NEK11: variants seen among roughly 807,000 people sequenced by gnomAD.
The protein encoded by NEK11 is NIMA related kinase 11.
NEK11 carries 72 observed loss-of-function variants against 80.7 expected under a neutral mutation model. The ratio of observed to expected loss-of-function variants is 0.89; its 90% CI spans 0.74 to 1.08. The LOEUF is 1.08. Ranked by LOEUF, NEK11 falls within the 50% of genes least tolerant of loss-of-function variation. The pLI is 0.00. For synonymous variants in NEK11, 251 were observed against 260.7 expected (o/e 0.96, Z 0.36); for missense variants, 764 against 763.6 (o/e 1.00, Z -0.01).
chr3:131,068,339 A>G (rs1048741049), intron 3 of NEK11, among the ~76,000 whole-genome samples: 1 of 152,248 alleles, frequency 6.6e-6, no homozygotes, highest in Non-Finnish European at 1.5e-5. Flanking sequence ...CAGAAGCAGC[A>G]TTTGAACAGA....
chr3:131,210,426 G>T (rs1048760261), intron 14 of NEK11, among the ~76,000 whole-genome samples: 1 of 152,186 alleles, frequency 6.6e-6, no homozygotes, highest in Non-Finnish European at 1.5e-5. Flanking sequence ...GTGCAACGTG[G>T]TGCTGAGAAG....
intron 13 of NEK11, among the ~76,000 whole-genome samples, chr3:131,169,534 G>C (rs2150043360): frequency 6.6e-6 from 1 of 152,262 alleles, no homozygotes; most frequent in South Asian, 2.1e-4. Context: ...AATCATGTTA[G>C]GCACTGTTTC....
chr3:131,044,446 TGG>T (rs59841218), intron 3 of NEK11, among the ~76,000 whole-genome samples: 103 of 86,836 alleles, frequency 1.2e-3, no homozygotes, highest in Admixed American at 5.1e-3. Context: ...AAAAAAAAGG[TGG>T]GGGGGGGGGT....
intron 3 of NEK11, among the ~76,000 whole-genome samples, chr3:131,050,089 C>G (rs2068111892): frequency 6.6e-6 from 1 of 152,204 alleles, no homozygotes; most frequent in East Asian, 1.9e-4. Flanking sequence ...GCAGCTGCCT[C>G]AAGCTCCTGC....
intron 14 of NEK11, among the ~76,000 whole-genome samples, chr3:131,228,079 A>T (rs538159750): frequency 2.8e-4 from 42 of 151,456 alleles, no homozygotes; most frequent in African/African-American, 5.6e-4. Flanking sequence ...AGTAACATTT[A>T]AAAAAAAAGA....
chr3:131,309,987 TAAAAAAAAAAAAAAAAAAAAA>T (rs558210123), intron 17 of NEK11, among the ~76,000 whole-genome samples: 4 of 23,308 alleles, frequency 1.7e-4, no homozygotes, highest in East Asian at 1.1e-3. Context: ...AGACCATGTT[TAAAAAAAAAAAAAAAAAAAAA>T]AAAAAAAAAA....
intron 14 of NEK11, among the ~76,000 whole-genome samples, chr3:131,220,641 A>T (rs78265172): frequency 6.6e-6 from 1 of 152,212 alleles, no homozygotes; most frequent in Admixed American, 6.5e-5. Flanking sequence ...GAAAGGACAA[A>T]TAGAGATGGA....
chr3:131,255,579 T>C (rs2095801477), intron 16 of NEK11, among the ~76,000 whole-genome samples: 1 of 152,200 alleles, frequency 6.6e-6, no homozygotes, highest in African/African-American at 2.4e-5. Flanking sequence ...ACCAAACTTC[T>C]TGATATTTCC....
chr3:131,214,965 A>C (rs1201034220), intron 14 of NEK11, among the ~76,000 whole-genome samples: 3 of 152,148 alleles, frequency 2.0e-5, no homozygotes, highest in Admixed American at 6.6e-5. Flanking sequence ...CCTGGTTTTG[A>C]AAGTTTGTTT....
intron 3 of NEK11, 80 bp from the exon 4 acceptor site, chr3:131,080,343 A>G (rs996988449): frequency 2.9e-6 from 3 of 1,039,456 alleles, no homozygotes; most frequent in Non-Finnish European, 2.8e-6. Flanking sequence ...GGCATTAATT[A>G]ATGGCTCTGT....
chr3:131,122,803 C>T (rs2149483388), intron 5 of NEK11, among the ~76,000 whole-genome samples: 1 of 152,206 alleles, frequency 6.6e-6, no homozygotes, highest in Non-Finnish European at 1.5e-5. Flanking sequence ...TGTTCTTCAT[C>T]CTAGCATGGG....
At chr3:131,284,983 T>C (rs2096453214) in intron 17 of NEK11, among the ~76,000 whole-genome samples, 1 of 152,218 alleles carries the variant, frequency 6.6e-6, no homozygotes, top group South Asian at 2.1e-4. Flanking sequence ...CTTTCATATA[T>C]ACATCTATCC....
intron 16 of NEK11, among the ~76,000 whole-genome samples, chr3:131,250,408 TTATC>T (rs1411525451): frequency 6.6e-6 from 1 of 152,090 alleles, no homozygotes; most frequent in Non-Finnish European, 1.5e-5. Context: ...CTACAAATAT[TTATC>T]TATCCAAACT....
intron 17 of NEK11, among the ~76,000 whole-genome samples, chr3:131,278,771 T>A (rs1333848322): frequency 6.6e-6 from 1 of 152,092 alleles, no homozygotes; most frequent in Non-Finnish European, 1.5e-5. Context: ...AAATGAATTA[T>A]CCTCTTGGCC....
At chr3:131,216,110 A>G (rs2094825448) in intron 14 of NEK11, among the ~76,000 whole-genome samples, 1 of 152,220 alleles carries the variant, frequency 6.6e-6, no homozygotes, top group South Asian at 2.1e-4. Flanking sequence ...GTGGTACTTT[A>G]AAGAGATGAA....
chr3:131,196,785 G>A (rs1211556091), intron 14 of NEK11, among the ~76,000 whole-genome samples: 1 of 151,436 alleles, frequency 6.6e-6, no homozygotes, highest in Non-Finnish European at 1.5e-5. Context: ...CCCTCCCAAA[G>A]TGCTGGGATT....
At chr3:131,175,024 C>A in intron 14 of NEK11, 1 of 1,286,134 alleles carries the variant, frequency 7.8e-7, no homozygotes. Context: ...GCTTTGCTTG[C>A]CTGTAGGAGC....
At chr3:131,099,948 A>G (rs999819248) in intron 4 of NEK11, among the ~76,000 whole-genome samples, 1 of 152,112 alleles carries the variant, frequency 6.6e-6, no homozygotes, top group African/African-American at 2.4e-5. Flanking sequence ...GATGCCTTTT[A>G]TTTCTTTCTC....
chr3:131,098,148 A>G (rs1239122438), intron 4 of NEK11, among the ~76,000 whole-genome samples: 1 of 152,110 alleles, frequency 6.6e-6, no homozygotes, highest in East Asian at 1.9e-4. Flanking sequence ...TTATACAAAA[A>G]TTAATTCAAG....
Sources: allele counts gnomAD v4.1 joint callset (sites outside exome capture counted in the v4.1 genomes callset), GRCh38; gene constraint gnomAD v4.1.1; transcripts MANE v1.5; gene names NCBI Gene and HGNC (gene_info 2026-07-23, HGNC 2026-07-21).